RALGDS: variants seen among roughly 807,000 people sequenced by gnomAD.
The protein encoded by RALGDS is ral guanine nucleotide exchange factor.
In RALGDS, 44 loss-of-function variants were observed where a neutral mutation model predicts 99.8. That is an observed-to-expected ratio of 0.44 (90% CI 0.35 to 0.57). The LOEUF (loss-of-function observed/expected upper bound fraction) is 0.57, where lower values mean the gene tolerates loss of function less well. Ranked by LOEUF, RALGDS falls within the 20% of genes least tolerant of loss-of-function variation. The probability of loss-of-function intolerance (pLI) is 0.01; values close to 1 mark genes in which losing one functional copy is unlikely to be tolerated. For missense variants in RALGDS, 1,022 were observed against 1,203.1 expected, an observed-to-expected ratio of 0.85 and a Z score of 2.23; for synonymous variants, 529 against 505.0, an observed-to-expected ratio of 1.05 and a Z score of -0.64.
chr9:133,113,074 G>C (rs1831428416), intron 1 of RALGDS, among the ~76,000 whole-genome samples: 1 of 152,168 alleles, frequency 6.6e-6, no homozygotes, highest in Non-Finnish European at 1.5e-5. Context: ...ATTACCCCCG[G>C]CCTCACAGCC....
At chr9:133,102,219 G>C in intron 14 of RALGDS, 80 bp from the exon 15 acceptor site, 1 of 1,452,206 alleles carries the variant, frequency 6.9e-7, no homozygotes, top group Non-Finnish European at 9.4e-7. Context: ...CTGCGCCCAA[G>C]GACTGTGCAA....
At chr9:133,107,615 C>G (rs1183417164) in intron 6 of RALGDS, among the ~76,000 whole-genome samples, 1 of 152,146 alleles carries the variant, frequency 6.6e-6, no homozygotes, top group Non-Finnish European at 1.5e-5. Context: ...TGTCCAGTGT[C>G]TGCCATAGGC....
At chr9:133,105,596 C>T (rs952083456) in intron 9 of RALGDS, among the ~76,000 whole-genome samples, 16 of 152,156 alleles carry the variant, frequency 1.1e-4, no homozygotes, top group Middle Eastern at 3.4e-3. Context: ...GGGCAGGAGC[C>T]GCATCCCCTT....
At position 133,120,982 on chromosome 9, in the gene RALGDS, G is replaced by C. The variant is rs1401066107; in HGVS notation, c.173C>G (p.Pro58Arg). The change falls in exon 1 of 18, where the codon CCG (proline) becomes CGG (arginine). Residue 58 changes from proline (P) to arginine (R), a missense_variant. This residue lies in a region of RALGDS where 180 missense variants were observed against 169.3 expected (regional missense o/e 1.06). Coordinates refer to ENST00000372050, the MANE Select transcript of RALGDS (RefSeq NM_006266.4). ...CCCCAGCTCACCCACCTCCGGGCGCGGCAGGTCGGGGTCTAGCTGCGTGAA... is the reference window on the plus strand; with the variant it reads ...CCCCAGCTCACCCACCTCCGGGCGCCGCAGGTCGGGGTCTAGCTGCGTGAA... Reference protein sequence around the residue: ...HSFTQLDPDLPRPESSTQEIG... With the variant: ...HSFTQLDPDLRRPESSTQEIG... 1 of 1,485,026 alleles carries C rather than the reference G, an allele frequency of 6.7e-7. No individual in the cohort carries two copies. Among genetic ancestry groups the C allele is most frequent in the Admixed American group, 2.2e-5 (1 of 44,858 alleles). 92.0% of individuals were successfully genotyped at this position (1,485,026 alleles called of 1,614,324 possible). A position where few individuals can be genotyped will look rare whatever the true frequency, so the allele number is the denominator to read the frequency against.
At chr9:133,102,438 A>T (rs1163380901) in intron 14 of RALGDS, 38 bp downstream of exon 14, 29 of 1,594,064 alleles carry the variant, frequency 1.8e-5, no homozygotes, top group Non-Finnish European at 2.4e-5. Context: ...TCTGAGCCCC[A>T]AGGCAGCTGC....
At chr9:133,128,998 C>G (rs1380090859) in intron 1 of RALGDS, 1 of 1,051,726 alleles carries the variant, frequency 9.5e-7, no homozygotes, top group Non-Finnish European at 1.3e-6. Context: ...GATGAAGACT[C>G]CCCTGTGAGT....
chr9:133,100,514 G>A (rs1250970241), intron 16 of RALGDS, 132 bp from the exon 17 acceptor site: 53 of 1,566,434 alleles, frequency 3.4e-5, no homozygotes, highest in Admixed American at 9.1e-5. Flanking sequence ...GCCAGGTGCT[G>A]GGTCCGGAGA....
chr9:133,147,977 C>G lies in RALGDS; in HGVS notation c.18+986G>C, dbSNP rs147143008. The stretch of plus-strand genomic sequence containing the variant: ...CCAAATAAGAACCCTGAGGCTCCAA[C>G]AAGGACAGTCTTGTCCCACAAGAGT... On this transcript the variant is annotated intron_variant, in intron 1 of 17. Transcript: ENST00000393160. Among the ~76,000 whole-genome samples, 6 of 152,332 alleles carry G rather than the reference C, an allele frequency of 3.9e-5. No individual in the cohort carries two copies. The East Asian group carries it at 1.2e-3, about 29-fold the overall frequency.
intron 1 of RALGDS, among the ~76,000 whole-genome samples, chr9:133,143,031 G>A (rs1832550278): frequency 6.6e-6 from 1 of 152,240 alleles, no homozygotes; most frequent in Admixed American, 6.5e-5. Flanking sequence ...CACTTATCTT[G>A]CAGAGTGCTG....
chr9:133,134,788 T>C (rs1832398421), upstream of RALGDS, among the ~76,000 whole-genome samples: 1 of 152,166 alleles, frequency 6.6e-6, no homozygotes, highest in Non-Finnish European at 1.5e-5. Flanking sequence ...TAATTTCTAC[T>C]ACGCACTGCC....
chr9:133,115,283 C>T (rs763416920), intron 1 of RALGDS, among the ~76,000 whole-genome samples: 4 of 152,184 alleles, frequency 2.6e-5, no homozygotes, highest in Non-Finnish European at 4.4e-5. Flanking sequence ...AGGAACTCAC[C>T]GGCCCCTCCC....
rs776747723 is a variant in RALGDS, at chr9:133,148,965, G to T, written c.16C>A (p.Gln6Lys). ...GGCTGGGGACGGCGCGCACTCACCT[G>T]GCAATCTACCATCATCCTCAGCCTC... is the stretch of plus-strand genomic sequence containing the variant. Residue 6 changes from glutamine to lysine, a missense_variant and splice_region_variant, in exon 1 of 18, where the codon CAG (glutamine) becomes AAG (lysine). Gln to Lys is a moderately conservative substitution (Grantham distance 53). Transcript: ENST00000393160. 15 of 1,602,208 alleles carry T rather than the reference G, an allele frequency of 9.4e-6. No individual in the cohort carries two copies. Among genetic ancestry groups the T allele is most frequent in the Non-Finnish European group, 1.2e-5 (14 of 1,176,508 alleles).
rs1276406447 is a variant in RALGDS, at chr9:133,121,181, CCGGCCCGGCGCGCGGCGGGGGCGGCGGCG to C, written c.-56_-28del. The C allele has an allele frequency of 2.1e-5, 22 of 1,042,266 alleles. No homozygotes were observed. Among genetic ancestry groups the C allele is most frequent in the South Asian group, 4.5e-5 (1 of 22,404 alleles). The allele number at this position is 1,042,266 out of a possible 1,614,324, so 64.6% of individuals were successfully genotyped here. A position where few individuals can be genotyped will look rare whatever the true frequency, so the allele number is the denominator to read the frequency against. On this transcript the variant is annotated 5_prime_UTR_variant, in exon 1 of 18. Coordinates refer to ENST00000372050, the MANE Select transcript of RALGDS (RefSeq NM_006266.4). ...GAAGGCTCGCAGCGCGGGCGCGGGG[CCGGCCCGGCGCGCGGCGGGGGCGGCGGCG>C]CGGCCCGCGCGGCTGGGCTTTGCCA...
intron 1 of RALGDS, among the ~76,000 whole-genome samples, chr9:133,118,134 T>G (rs1831706859): frequency 6.6e-6 from 1 of 152,166 alleles, no homozygotes; most frequent in African/African-American, 2.4e-5. Flanking sequence ...GAGGGGAACC[T>G]GAGGGTCCTG....
At chr9:133,102,998 T>TACTCCCATCC (rs1830835374) in intron 12 of RALGDS, 98 bp from the exon 13 acceptor site, 2 of 1,539,718 alleles carry the variant, frequency 1.3e-6, no homozygotes, top group African/African-American at 1.4e-5. Context: ...TCCTCCCCTC[T>TACTCCCATCC]ACTCCCATCC....
intron 1 of RALGDS, among the ~76,000 whole-genome samples, chr9:133,112,950 A>G (rs772105668): frequency 4.6e-5 from 7 of 152,184 alleles, no homozygotes; most frequent in Non-Finnish European, 7.4e-5. Flanking sequence ...CCTAAACCAC[A>G]GGCCTAGACT....
upstream of RALGDS, among the ~76,000 whole-genome samples, chr9:133,123,581 G>T (rs1302933268): frequency 6.6e-6 from 1 of 152,208 alleles, no homozygotes; most frequent in African/African-American, 2.4e-5. Flanking sequence ...GCCGGTGTCT[G>T]TTTTTACAAA....
intron 1 of RALGDS, among the ~76,000 whole-genome samples, chr9:133,129,607 CCACA>C (rs1404004026): frequency 6.6e-6 from 1 of 152,154 alleles, no homozygotes; most frequent in Admixed American, 6.5e-5. Flanking sequence ...CTGGAAACCA[CCACA>C]CAGAGCCAGA....
At chr9:133,124,909 A>G (rs573103397), upstream of RALGDS, among the ~76,000 whole-genome samples, 17 of 152,396 alleles carry the variant, frequency 1.1e-4, no homozygotes, top group Non-Finnish European at 2.4e-4. Flanking sequence ...GCCTCTGCAT[A>G]TAACTGCCAT....
Sources: gnomAD v4.1 joint callset for allele counts (sites outside exome capture counted in the v4.1 genomes callset) on GRCh38, gnomAD v4.1.1 for gene constraint, gnomAD v4.1.1 regional missense constraint, MANE v1.5 for transcripts, NCBI Gene and HGNC (gene_info 2026-07-23, HGNC 2026-07-21) for gene names.